The following MED19 variants were observed in gnomAD, a reference collection of about 807,000 sequenced individuals.
MED19 encodes mediator complex subunit 19.
A neutral mutation model predicts 19.9 loss-of-function variants in MED19; 4 were observed. The ratio of observed to expected loss-of-function variants is 0.20; its 90% CI spans 0.10 to 0.46. MED19 has a LOEUF of 0.46. Among genes scored for constraint, MED19 ranks in the 20% least tolerant of loss-of-function variants. MED19 has a pLI of 0.99. For missense variants in MED19, 303 were observed against 318.7 expected, an observed-to-expected ratio of 0.95 and a Z score of 0.38; for synonymous variants, 139 against 119.6, an observed-to-expected ratio of 1.16 and a Z score of -1.06.
intron 1 of MED19, among the ~76,000 whole-genome samples, chr11:57,707,216 G>T (rs1375448667): frequency 6.7e-6 from 1 of 148,646 alleles, no homozygotes; most frequent in Non-Finnish European, 1.5e-5. Flanking sequence ...AAAAAAAAAA[G>T]TATTATATGT....
exon 4 of MED19, chr11:57,704,356 T>C: frequency 6.5e-7 from 1 of 1,536,398 alleles, no homozygotes; most frequent in South Asian, 1.2e-5. Context: ...CCTCTTCTTT[T>C]TTCTTTTTCT....
At chr11:57,706,756 C>CAA (rs1946512543) in intron 1 of MED19, among the ~76,000 whole-genome samples, 1 of 151,736 alleles carries the variant, frequency 6.6e-6, no homozygotes, top group African/African-American at 2.4e-5. Flanking sequence ...CAAAACAAAA[C>CAA]AACAAAAACA....
At chr11:57,711,821 A>C in intron 1 of MED19, 142 bp downstream of exon 1, 2 of 883,488 alleles carry the variant, frequency 2.3e-6, no homozygotes, top group Non-Finnish European at 3.2e-6. Flanking sequence ...GTGAATCCTA[A>C]CAGCGCTTCC....
intron 1 of MED19, among the ~76,000 whole-genome samples, chr11:57,707,321 T>A (rs550062407): frequency 6.6e-6 from 1 of 152,096 alleles, no homozygotes; most frequent in South Asian, 2.1e-4. Flanking sequence ...CTAGCAAGGG[T>A]AGAAATAGCT....
At chr11:57,708,577 TA>T (rs1195270836) in intron 1 of MED19, among the ~76,000 whole-genome samples, 1 of 152,208 alleles carries the variant, frequency 6.6e-6, no homozygotes, top group Non-Finnish European at 1.5e-5. Context: ...TAGTTCTTAA[TA>T]TTGATGGCTA....
chr11:57,704,452 T>C (rs138359660), intron 3 of MED19, 56 bp from the exon 4 acceptor site: 28 of 1,493,034 alleles, frequency 1.9e-5, no homozygotes, highest in Middle Eastern at 2.4e-4. Context: ...TCTACTGTTA[T>C]GAACCACTGA....
chr11:57,704,157 T>C, intron 4 of MED19, 51 bp from the exon 5 acceptor site: 1 of 1,535,482 alleles, frequency 6.5e-7, no homozygotes, highest in Non-Finnish European at 8.7e-7. Context: ...GCCTTGGCTT[T>C]GATCAGGCTG....
chr11:57,709,797 G>C (rs963903295), intron 1 of MED19, among the ~76,000 whole-genome samples: 3 of 152,176 alleles, frequency 2.0e-5, no homozygotes, highest in African/African-American at 7.2e-5. Flanking sequence ...TTGGGCTCAA[G>C]CAATCCTCCC....
At chr11:57,704,884 T>G in intron 2 of MED19, 69 bp from the exon 3 acceptor site, 1 of 1,608,024 alleles carries the variant, frequency 6.2e-7, no homozygotes. Context: ...TCATCCATTC[T>G]GCTCCATTAT....
In MED19 at chr11:57,703,871, CCTCT is replaced by C. The variant is rs371408207; in HGVS notation, c.*163_*166del. On this transcript the variant is annotated 3_prime_UTR_variant, in exon 5 of 5. Transcript: ENST00000431606. ...TGGGATGAGCCTACAAAAGCATGTC[CCTCT>C]CTCTCCTAATTTACTTAGTCTCAAC... 1.6e-4 allele frequency: 162 copies of C among 1,036,670 alleles called. 1 individual carries two copies. The African/African-American group carries it at 2.3e-3, about 15-fold the overall frequency. The allele number at this position is 1,036,670 out of a possible 1,614,324, so 64.2% of individuals were successfully genotyped here. A position where few individuals can be genotyped will look rare whatever the true frequency, so the allele number is the denominator to read the frequency against.
At chr11:57,706,542 G>A (rs1172132084) in intron 1 of MED19, among the ~76,000 whole-genome samples, 3 of 151,732 alleles carry the variant, frequency 2.0e-5, no homozygotes, top group East Asian at 2.0e-4. Flanking sequence ...AGGCCAAGGC[G>A]GGCAGCTCAT....
At chr11:57,706,168 G>A (rs1332039485) in intron 1 of MED19, among the ~76,000 whole-genome samples, 2 of 151,898 alleles carry the variant, frequency 1.3e-5, no homozygotes, top group African/African-American at 4.8e-5. Flanking sequence ...TTTTTGAGAC[G>A]GGAGTTTTGC....
exon 1 of MED19, chr11:57,712,021 A>G: frequency 2.6e-6 from 4 of 1,535,358 alleles, no homozygotes; most frequent in Non-Finnish European, 3.5e-6. Flanking sequence ...TGTCCGCGCC[A>G]GGAGGAGCCG....
At chr11:57,706,772 A>G (rs1451393604) in intron 1 of MED19, among the ~76,000 whole-genome samples, 1 of 152,160 alleles carries the variant, frequency 6.6e-6, no homozygotes, top group South Asian at 2.1e-4. Flanking sequence ...AAACAAAAAA[A>G]CAAGTCAGGC....
At chr11:57,704,078 A>G in exon 5 of MED19, 1 of 1,536,176 alleles carries the variant, frequency 6.5e-7, no homozygotes, top group Non-Finnish European at 8.7e-7. Context: ...GGAGCTGCCC[A>G]TACCTGGGTG....
At chr11:57,706,427 A>G (rs1946508599) in intron 1 of MED19, among the ~76,000 whole-genome samples, 1 of 151,810 alleles carries the variant, frequency 6.6e-6, no homozygotes, top group Non-Finnish European at 1.5e-5. Flanking sequence ...TGCCGGGATT[A>G]CAGGTGTGAG....
chr11:57,707,956 C>T (rs1946526863), intron 1 of MED19, among the ~76,000 whole-genome samples: 1 of 152,112 alleles, frequency 6.6e-6, no homozygotes, highest in South Asian at 2.1e-4. Context: ...CCTCAGCCTC[C>T]CAGGTAGCTG....
In MED19 at chr11:57,704,722, G is replaced by T. The variant is rs771733577; in HGVS notation, c.568C>A (p.Pro190Thr). The T allele has an allele frequency of 3.7e-5, 60 of 1,603,792 alleles. No homozygotes were observed. Among genetic ancestry groups the T allele is most frequent in the Non-Finnish European group, 4.9e-5 (58 of 1,177,580 alleles). The change falls in exon 3 of 5, where the codon CCA (proline) becomes ACA (threonine). Residue 190 changes from proline (P) to threonine (T), a missense_variant. Physicochemically the swap from Pro to Thr is conservative, Grantham distance 38 (BLOSUM62 -1). This residue lies in a region of MED19 where 274 missense variants were observed against 259.2 expected (regional missense o/e 1.06). Transcript: ENST00000431606. Reference sequence around the variant, plus strand: ...TTTGAATAGAACTGCTTCTTACCTGGGGGGACAGGATCCTGGGTACGGCTC... The same window carrying T: ...TTTGAATAGAACTGCTTCTTACCTGTGGGGACAGGATCCTGGGTACGGCTC...
chr11:57,704,694 T>C, intron 3 of MED19, 25 bp downstream of exon 3: 1 of 1,487,052 alleles, frequency 6.7e-7, no homozygotes, highest in Non-Finnish European at 9.1e-7. Flanking sequence ...TTTTTTTTTT[T>C]GCTTTGAATA....
Sources: gnomAD v4.1 joint callset for allele counts (sites outside exome capture counted in the v4.1 genomes callset) on GRCh38, gnomAD v4.1.1 for gene constraint, gnomAD v4.1.1 regional missense constraint, MANE v1.5 for transcripts, NCBI Gene and HGNC (gene_info 2026-07-23, HGNC 2026-07-21) for gene names.